Variants in SENP6 observed in about 807,000 individuals in gnomAD.
SENP6 encodes SUMO specific peptidase 6, also known as sentrin-specific protease 6.
Under a neutral mutation model 134.5 loss-of-function variants are expected in SENP6, and 41 were observed. The ratio of observed to expected loss-of-function variants is 0.30; its 90% CI spans 0.24 to 0.40. SENP6 has a LOEUF of 0.40. SENP6 is among the 10% of genes least tolerant of loss of function. SENP6 has a pLI of 1.00. For synonymous variants in SENP6, 395 were observed against 429.8 expected, an observed-to-expected ratio of 0.92 and a Z score of 1.00; for missense variants, 1,248 against 1,312.5, an observed-to-expected ratio of 0.95 and a Z score of 0.76.
chr6:75,684,059 C>T (rs547481566), intron 16 of SENP6, among the ~76,000 whole-genome samples: 1 of 152,100 alleles, frequency 6.6e-6, no homozygotes, highest in East Asian at 1.9e-4. Flanking sequence ...TGTTTGTGTC[C>T]TCTTTTATTT....
At chr6:75,633,805 C>T (rs1325580929) in intron 4 of SENP6, 79 bp downstream of exon 4, 1 of 1,200,338 alleles carries the variant, frequency 8.3e-7, no homozygotes. Context: ...GCTAATAGGC[C>T]CAACCTGTAC....
At chr6:75,712,635 C>A (rs1402947178) in intron 21 of SENP6, among the ~76,000 whole-genome samples, 2 of 151,588 alleles carry the variant, frequency 1.3e-5, no homozygotes, top group Non-Finnish European at 2.9e-5. Context: ...TACAACATAA[C>A]TTTACAGAAT....
At position 75,677,233 on chromosome 6, in the gene SENP6, C is replaced by A; in HGVS notation, c.1825C>A (p.Gln609Lys). The change falls in exon 14 of 24, where the codon CAA becomes AAA. Residue 609 changes from glutamine to lysine, a missense_variant. Physicochemically the swap from Gln to Lys is moderately conservative, Grantham distance 53 (BLOSUM62 1). This residue lies in a region of SENP6 where 733 missense variants were observed against 725.4 expected (regional missense o/e 1.01). Coordinates refer to ENST00000447266, the MANE Select transcript of SENP6 (RefSeq NM_015571.4). The part of the protein sequence containing the change: ...YEESIKGSCG[Q>K]KENKIKTVSF... Reference sequence around the variant, plus strand: ...AGAGAGCATCAAAGGAAGTTGTGGGCAAAAGGAAAACAAAATTAAAACTGT... The same window carrying A: ...AGAGAGCATCAAAGGAAGTTGTGGGAAAAAGGAAAACAAAATTAAAACTGT... The A allele has an allele frequency of 1.9e-6, 3 of 1,583,630 alleles. No homozygotes were observed. The highest frequency in any genetic ancestry group is 2.6e-6 in the Non-Finnish European group (3 of 1,166,288).
intron 3 of SENP6, among the ~76,000 whole-genome samples, chr6:75,630,339 G>C (rs1401315836): frequency 6.6e-6 from 1 of 152,144 alleles, no homozygotes; most frequent in Non-Finnish European, 1.5e-5. Flanking sequence ...CAAAGTGCTG[G>C]GATTACAGGT....
Position 75,715,676 on chromosome 6 carries a change from C to A in SENP6, c.*82C>A. The A allele has an allele frequency of 1.1e-6, 1 of 952,258 alleles. No individual in the cohort carries two copies. Among genetic ancestry groups the A allele is most frequent in the Non-Finnish European group, 1.6e-6 (1 of 630,534 alleles). 59.0% of individuals were successfully genotyped at this position (952,258 alleles called of 1,614,324 possible). ...GTATAGACAATAAAGAACTGAAGTGCTCACTACTCAGTGATTTGGAAATTT... is the reference window on the plus strand; with the variant it reads ...GTATAGACAATAAAGAACTGAAGTGATCACTACTCAGTGATTTGGAAATTT... On this transcript the variant is annotated 3_prime_UTR_variant, in exon 24 of 24. Coordinates refer to ENST00000447266, the MANE Select transcript of SENP6 (RefSeq NM_015571.4).
chr6:75,623,660 C>G (rs1380995335), intron 2 of SENP6, among the ~76,000 whole-genome samples: 1 of 152,152 alleles, frequency 6.6e-6, no homozygotes, highest in Non-Finnish European at 1.5e-5. Context: ...TTGCGTGCCA[C>G]CTAATTCAGT....
intron 3 of SENP6, among the ~76,000 whole-genome samples, chr6:75,624,492 G>C (rs1010926842): frequency 2.0e-5 from 3 of 152,038 alleles, no homozygotes; most frequent in Non-Finnish European, 2.9e-5. Context: ...TGGCATACCA[G>C]ATTTACACTT....
intron 16 of SENP6, among the ~76,000 whole-genome samples, chr6:75,686,868 T>A (rs902211126): frequency 6.6e-6 from 1 of 152,228 alleles, no homozygotes; most frequent in Admixed American, 6.5e-5. Context: ...CTGACAATTA[T>A]GTGGCTTGGA....
intron 1 of SENP6, among the ~76,000 whole-genome samples, chr6:75,616,601 C>G (rs942170185): frequency 6.6e-6 from 1 of 151,992 alleles, no homozygotes; most frequent in Non-Finnish European, 1.5e-5. Context: ...ACAAAATTAG[C>G]CGGGCGTGGT....
At chr6:75,681,410 T>C (rs1773454896) in intron 16 of SENP6, among the ~76,000 whole-genome samples, 1 of 152,172 alleles carries the variant, frequency 6.6e-6, no homozygotes. Context: ...CCTGTGGATC[T>C]GTGAGTCAAT....
At chr6:75,618,296 C>T (rs1768007508) in intron 1 of SENP6, among the ~76,000 whole-genome samples, 1 of 150,244 alleles carries the variant, frequency 6.7e-6, no homozygotes, top group Non-Finnish European at 1.5e-5. Context: ...AGTATGGATT[C>T]GGGAATGTTT....
intron 16 of SENP6, among the ~76,000 whole-genome samples, chr6:75,691,523 A>G (rs1251607089): frequency 6.6e-6 from 1 of 152,144 alleles, no homozygotes; most frequent in African/African-American, 2.4e-5. Flanking sequence ...ACTTAGAGAA[A>G]TTGGTGCACC....
chr6:75,624,667 A>G (rs1039505657), intron 3 of SENP6, among the ~76,000 whole-genome samples: 1 of 152,154 alleles, frequency 6.6e-6, no homozygotes, highest in Non-Finnish European at 1.5e-5. Flanking sequence ...ATTCTTTTTT[A>G]GAATAATTGT....
chr6:75,652,390 T>A (rs923243471), intron 7 of SENP6, among the ~76,000 whole-genome samples: 2 of 151,928 alleles, frequency 1.3e-5, no homozygotes, highest in Admixed American at 1.3e-4. Context: ...TGTGGCATAA[T>A]TTGTTTTCAA....
At chr6:75,669,265 T>G (rs1249664132) in intron 10 of SENP6, among the ~76,000 whole-genome samples, 2 of 152,046 alleles carry the variant, frequency 1.3e-5, no homozygotes, top group Admixed American at 6.6e-5. Flanking sequence ...CGCAGGAGAA[T>G]TGCTTGAACC....
In SENP6 at chr6:75,601,988, C is replaced by G. The variant is rs1381864829; in HGVS notation, c.-537C>G. The G allele has an allele frequency of 6.5e-6, 1 of 153,904 alleles. No homozygotes were observed. Among genetic ancestry groups the G allele is most frequent in the African/African-American group, 2.4e-5 (1 of 41,488 alleles). 9.5% of individuals were successfully genotyped at this position (153,904 alleles called of 1,614,324 possible). A position where few individuals can be genotyped will look rare whatever the true frequency, so the allele number is the denominator to read the frequency against. ...AAGGCCTCCGCTGATGCATTCACGC[C>G]TGGGCGGGGTGGGCGGACGGCCGTA... On this transcript the variant is annotated 5_prime_UTR_variant, in exon 1 of 24. Coordinates refer to ENST00000447266, the MANE Select transcript of SENP6 (RefSeq NM_015571.4).
chr6:75,659,873 A>T (rs1476578732), intron 8 of SENP6, among the ~76,000 whole-genome samples: 1 of 152,148 alleles, frequency 6.6e-6, no homozygotes, highest in East Asian at 1.9e-4. Context: ...CCCATTTACC[A>T]TTTAATATTT....
chr6:75,640,239 C>T (rs1328194315), intron 5 of SENP6, among the ~76,000 whole-genome samples: 1 of 152,110 alleles, frequency 6.6e-6, no homozygotes, highest in African/African-American at 2.4e-5. Flanking sequence ...AACATTTGCT[C>T]GTCTTCTGGC....
At position 75,711,383 on chromosome 6, in the gene SENP6, G is replaced by A; in HGVS notation, c.2876G>A (p.Gly959Glu). ...GATGACAACTGCAGTTCAGAAATAGGACAGTGGCATTTAAAGCCTACTATC... is the reference window on the plus strand; with the variant it reads ...GATGACAACTGCAGTTCAGAAATAGAACAGTGGCATTTAAAGCCTACTATC... ...LADDNCSSEI[G>E]QWHLKPTICK... The change falls in exon 21 of 24, where the codon GGA (glycine) becomes GAA (glutamate). Residue 959 changes from glycine to glutamate, a missense_variant. Transcript: ENST00000447266. The A allele has an allele frequency of 6.2e-7, 1 of 1,613,118 alleles. No homozygotes were observed. The highest frequency in any genetic ancestry group is 8.5e-7 in the Non-Finnish European group (1 of 1,179,328).
Sources: gnomAD v4.1 joint callset for allele counts (sites outside exome capture counted in the v4.1 genomes callset) on GRCh38, gnomAD v4.1.1 for gene constraint, gnomAD v4.1.1 regional missense constraint, MANE v1.5 for transcripts, NCBI Gene and HGNC (gene_info 2026-07-23, HGNC 2026-07-21) for gene names.